IGFL2: variants seen among roughly 807,000 people sequenced by gnomAD.
IGFL2 encodes the protein IGF like family member 2.
IGFL2 carries 7 observed loss-of-function variants against 13.9 expected under a neutral mutation model. That is an observed-to-expected ratio of 0.51 (90% confidence interval 0.29 to 0.95). The LOEUF (loss-of-function observed/expected upper bound fraction) is 0.95, where lower values mean the gene tolerates loss of function less well. IGFL2 is among the 40% of genes least tolerant of loss of function. The pLI is 0.08. For missense variants in IGFL2, 138 were observed against 147.8 expected, an observed-to-expected ratio of 0.93 and a Z score of 0.34; for synonymous variants, 55 against 55.8, an observed-to-expected ratio of 0.99 and a Z score of 0.07.
the IGFL2 span, chr19:46,136,963 G>T: frequency 1.4e-6 from 2 of 1,397,708 alleles, no homozygotes; most frequent in Non-Finnish European, 2.0e-6. Flanking sequence ...GCTACCTGCT[G>T]TATATCTGTG....
the IGFL2 span, among the ~76,000 whole-genome samples, chr19:46,185,742 T>C: frequency 6.6e-6 from 1 of 152,236 alleles, no homozygotes; most frequent in African/African-American, 2.4e-5. Context: ...ATTGTTGTTA[T>C]TATTACTGAT....
At chr19:46,215,088 G>A in the IGFL2 span, among the ~76,000 whole-genome samples, 6 of 152,092 alleles carry the variant, frequency 3.9e-5, no homozygotes, top group Admixed American at 3.9e-4. Context: ...TTCCTGAATA[G>A]CCACCGTCAG....
At chr19:46,166,286 G>A (rs996660897), downstream of IGFL2, among the ~76,000 whole-genome samples, 75 of 152,232 alleles carry the variant, frequency 4.9e-4, no homozygotes, top group Admixed American at 3.5e-3. Context: ...GCGTCTGGGC[G>A]AGACATCACA....
At chr19:46,125,858 C>A in the IGFL2 span, among the ~76,000 whole-genome samples, 36 of 152,294 alleles carry the variant, frequency 2.4e-4, no homozygotes, top group South Asian at 6.8e-3. Context: ...AGGTAAAATA[C>A]AAAGGACAAA....
Position 46,148,241 on chromosome 19 carries a change from T to C in IGFL2, c.-38T>C, listed in dbSNP as rs903321394. 1.4e-5 allele frequency: 21 copies of C among 1,548,518 alleles called. No individual in the cohort carries two copies. The African/African-American group carries it at 2.1e-4, about 15-fold the overall frequency. ...TCCCTGTATAAAGTCACTGACCCAT[T>C]TGCACTGCTGCTGTCCCATCAGCTG... On this transcript the variant is annotated 5_prime_UTR_variant, in exon 1 of 4. Coordinates refer to ENST00000377693, the MANE Select transcript of IGFL2 (RefSeq NM_001135113.2).
At chr19:46,141,866 A>G (rs1026774517), upstream of IGFL2, among the ~76,000 whole-genome samples, 2 of 152,144 alleles carry the variant, frequency 1.3e-5, no homozygotes, top group African/African-American at 2.4e-5. Flanking sequence ...CTAAATTATC[A>G]AAGATATGCA....
the IGFL2 span, among the ~76,000 whole-genome samples, chr19:46,106,195 G>A: frequency 6.6e-6 from 1 of 152,170 alleles, no homozygotes. Flanking sequence ...TGCTGAGATA[G>A]GTAACGGATG....
chr19:46,136,130 C>T, the IGFL2 span, among the ~76,000 whole-genome samples: 2 of 152,154 alleles, frequency 1.3e-5, no homozygotes, highest in Non-Finnish European at 2.9e-5. Context: ...TGGATGTCAA[C>T]CTCTCTAGCA....
chr19:46,156,435 A>T (rs1224674114), intron 1 of IGFL2, among the ~76,000 whole-genome samples: 1 of 152,178 alleles, frequency 6.6e-6, no homozygotes, highest in African/African-American at 2.4e-5. Context: ...AACAAGTTCT[A>T]AAGTATTGAA....
the IGFL2 span, chr19:46,197,114 G>T: frequency 4.4e-6 from 1 of 226,176 alleles, no homozygotes; most frequent in South Asian, 6.9e-5. Context: ...CTGCTACTAT[G>T]ACAATGCCAT....
chr19:46,099,868 T>C, the IGFL2 span, among the ~76,000 whole-genome samples: 4 of 152,136 alleles, frequency 2.6e-5, no homozygotes, highest in Non-Finnish European at 4.4e-5. Context: ...TCTTGTCTGC[T>C]TGCCTTATTT....
At chr19:46,210,132 G>A in the IGFL2 span, 7 of 152,254 alleles carry the variant, frequency 4.6e-5, no homozygotes, top group East Asian at 1.3e-3. Context: ...ACCTTAGCAG[G>A]AACTAATTCT....
At chr19:46,169,136 G>A in the IGFL2 span, among the ~76,000 whole-genome samples, 66 of 152,204 alleles carry the variant, frequency 4.3e-4, 2 homozygotes, top group South Asian at 6.5e-3. Context: ...GAGCCAGGAG[G>A]TCAAGGCTGC....
At chr19:46,174,667 T>A in the IGFL2 span, among the ~76,000 whole-genome samples, 3 of 152,136 alleles carry the variant, frequency 2.0e-5, no homozygotes, top group Non-Finnish European at 2.9e-5. Flanking sequence ...TCCTCACACT[T>A]GATATCCTCT....
At chr19:46,159,999 C>G (rs749470403) in intron 1 of IGFL2, 1 of 200,758 alleles carries the variant, frequency 5.0e-6, no homozygotes, top group Non-Finnish European at 1.0e-5. Flanking sequence ...CAAAAAAAGA[C>G]CTACTCAAGC....
At chr19:46,161,321 T>TC (rs1370029509), downstream of IGFL2, 33 of 302,574 alleles carry the variant, frequency 1.1e-4, 1 homozygote, top group Admixed American at 1.2e-3. Flanking sequence ...CTCCTTTCTT[T>TC]TTTTTTTTTT....
At chr19:46,121,635 A>G in the IGFL2 span, among the ~76,000 whole-genome samples, 2 of 150,818 alleles carry the variant, frequency 1.3e-5, no homozygotes, top group African/African-American at 2.5e-5. Context: ...CGTGACGACT[A>G]TCTGAGGTTA....
the IGFL2 span, among the ~76,000 whole-genome samples, chr19:46,117,721 C>T: frequency 6.6e-6 from 1 of 152,148 alleles, no homozygotes; most frequent in East Asian, 1.9e-4. Context: ...CCTCGTGATC[C>T]ACCCACCTTA....
At chr19:46,124,409 G>A in the IGFL2 span, 1 of 1,421,148 alleles carries the variant, frequency 7.0e-7, no homozygotes, top group Non-Finnish European at 9.8e-7. Flanking sequence ...AGAGGTTAGG[G>A]TGGTTTAAAG....
Sources: allele counts gnomAD v4.1 joint callset (sites outside exome capture counted in the v4.1 genomes callset), GRCh38; gene constraint gnomAD v4.1.1; transcripts MANE v1.5; gene names NCBI Gene and HGNC (gene_info 2026-07-23, HGNC 2026-07-21).